TMEM74: variants seen among roughly 807,000 people sequenced by gnomAD.
TMEM74 encodes the protein transmembrane protein 74.
In TMEM74, 13 loss-of-function variants were observed where a neutral mutation model predicts 18.1. That is an observed-to-expected ratio of 0.72 (90% CI 0.47 to 1.14). The LOEUF (loss-of-function observed/expected upper bound fraction) is 1.14. TMEM74 is among the 50% of genes most tolerant of loss of function. TMEM74 has a pLI of 0.00. For missense variants in TMEM74, 372 were observed against 375.9 expected, an observed-to-expected ratio of 0.99 and a Z score of 0.09; for synonymous variants, 159 against 146.6, an observed-to-expected ratio of 1.08 and a Z score of -0.61.
downstream of TMEM74, among the ~76,000 whole-genome samples, chr8:108,776,859 A>T (rs1814240058): frequency 6.6e-6 from 1 of 152,134 alleles, no homozygotes; most frequent in South Asian, 2.1e-4. Context: ...GCATAAGTAA[A>T]AAAATATTAT....
At chr8:108,669,757 G>C (rs1812984043) in intron 1 of TMEM74, among the ~76,000 whole-genome samples, 1 of 152,302 alleles carries the variant, frequency 6.6e-6, no homozygotes, top group South Asian at 2.1e-4. Context: ...AGTGCATGGG[G>C]CCAGGCATGG....
chr8:108,687,369 T>C (rs535426367), intron 1 of TMEM74, among the ~76,000 whole-genome samples: 5 of 152,012 alleles, frequency 3.3e-5, no homozygotes, highest in Non-Finnish European at 5.9e-5. Context: ...TGGGAGAATT[T>C]GCGGCAAACA....
chr8:108,669,990 A>T (rs1009798230), intron 1 of TMEM74, among the ~76,000 whole-genome samples: 4 of 145,876 alleles, frequency 2.7e-5, no homozygotes, highest in African/African-American at 7.5e-5. Flanking sequence ...GTGAGCCGAG[A>T]TTGCACCACT....
intron 2 of TMEM74, among the ~76,000 whole-genome samples, chr8:108,617,858 C>A (rs767254093): frequency 6.6e-5 from 10 of 152,072 alleles, no homozygotes; most frequent in Non-Finnish European, 1.3e-4. Context: ...CAGTGTTGAA[C>A]CCCGCTATAC....
intron 2 of TMEM74, among the ~76,000 whole-genome samples, chr8:108,628,482 A>G (rs897141102): frequency 1.3e-5 from 2 of 152,034 alleles, no homozygotes; most frequent in African/African-American, 2.4e-5. Flanking sequence ...TTATGGCTGC[A>G]TAGTATTTTA....
chr8:108,747,319 A>G (rs1813858430), intron 1 of TMEM74, among the ~76,000 whole-genome samples: 1 of 152,156 alleles, frequency 6.6e-6, no homozygotes. Flanking sequence ...AGAGTTTTCT[A>G]TACAATGTTC....
intron 1 of TMEM74, among the ~76,000 whole-genome samples, chr8:108,718,674 T>C (rs1376133148): frequency 6.6e-6 from 1 of 152,170 alleles, no homozygotes; most frequent in Non-Finnish European, 1.5e-5. Context: ...TGTGTAAAGA[T>C]TTGAAGCTGA....
intron 1 of TMEM74, among the ~76,000 whole-genome samples, chr8:108,695,397 G>T (rs761882023): frequency 6.6e-6 from 1 of 152,196 alleles, no homozygotes; most frequent in Non-Finnish European, 1.5e-5. Context: ...CTTGCCTATA[G>T]AGTGTGTGAG....
intron 1 of TMEM74, among the ~76,000 whole-genome samples, chr8:108,709,595 G>A (rs1236462507): frequency 6.6e-6 from 1 of 152,134 alleles, no homozygotes; most frequent in Non-Finnish European, 1.5e-5. Context: ...TAAGCTCTAG[G>A]CGTCTGCTGT....
chr8:108,736,416 A>G (rs1813750225), intron 1 of TMEM74, among the ~76,000 whole-genome samples: 1 of 152,140 alleles, frequency 6.6e-6, no homozygotes, highest in African/African-American at 2.4e-5. Context: ...GATCCTATAT[A>G]AATTAGTAGA....
chr8:108,721,734 C>T (rs1457716021), intron 1 of TMEM74, among the ~76,000 whole-genome samples: 1 of 152,170 alleles, frequency 6.6e-6, no homozygotes, highest in Non-Finnish European at 1.5e-5. Context: ...GCAAATTTAT[C>T]TTGTTCACCG....
At chr8:108,635,789 T>C (rs1173761251) in intron 2 of TMEM74, among the ~76,000 whole-genome samples, 1 of 152,074 alleles carries the variant, frequency 6.6e-6, no homozygotes, top group African/African-American at 2.4e-5. Context: ...TTGGTCTCTC[T>C]CTTCTGATTG....
chr8:108,725,545 G>T (rs1337768027), intron 1 of TMEM74, among the ~76,000 whole-genome samples: 2 of 152,084 alleles, frequency 1.3e-5, no homozygotes, highest in Non-Finnish European at 2.9e-5. Flanking sequence ...TAAATGTTTA[G>T]AAAATTAGAC....
chr8:108,656,720 A>G (rs1411458338), intron 1 of TMEM74, among the ~76,000 whole-genome samples: 3 of 152,200 alleles, frequency 2.0e-5, no homozygotes, highest in Non-Finnish European at 4.4e-5. Context: ...TCCTGTGGTC[A>G]CACATTTTGT....
intron 2 of TMEM74, among the ~76,000 whole-genome samples, chr8:108,644,413 G>GAA (rs1168765775): frequency 6.6e-6 from 1 of 152,014 alleles, no homozygotes; most frequent in Non-Finnish European, 1.5e-5. Flanking sequence ...ATTCTTAGAA[G>GAA]AAAACTCCAT....
chr8:108,621,975 T>C (rs929108115), intron 2 of TMEM74, among the ~76,000 whole-genome samples: 3 of 152,058 alleles, frequency 2.0e-5, no homozygotes, highest in African/African-American at 4.8e-5. Context: ...TGTAGAAAAA[T>C]CTTCCTAGCG....
intron 1 of TMEM74, among the ~76,000 whole-genome samples, chr8:108,771,099 T>A (rs1814166195): frequency 6.6e-6 from 1 of 152,190 alleles, no homozygotes; most frequent in Admixed American, 6.5e-5. Flanking sequence ...GATAATTAAT[T>A]CATACTTTAC....
At chr8:108,754,860 GA>G (rs1307891793) in intron 1 of TMEM74, among the ~76,000 whole-genome samples, 1 of 151,904 alleles carries the variant, frequency 6.6e-6, no homozygotes, top group Non-Finnish European at 1.5e-5. Context: ...TCTGAGGGCA[GA>G]AAAAGATGGA....
At chr8:108,626,679 C>A (rs114810645) in intron 2 of TMEM74, 1 of 151,920 alleles carries the variant, frequency 6.6e-6, no homozygotes, top group East Asian at 1.9e-4. Flanking sequence ...CTTCCTGGCT[C>A]GTAAGTGAAG....
Sources: gnomAD v4.1 joint callset for allele counts (sites outside exome capture counted in the v4.1 genomes callset) on GRCh38, gnomAD v4.1.1 for gene constraint, MANE v1.5 for transcripts, NCBI Gene and HGNC (gene_info 2026-07-23, HGNC 2026-07-21) for gene names.